Variants in INO80 observed in about 807,000 individuals in gnomAD.
The protein encoded by INO80 is INO80 complex ATPase subunit.
A neutral mutation model predicts 203.4 loss-of-function variants in INO80; 20 were observed. That is an observed-to-expected ratio of 0.10 (90% CI 0.07 to 0.14). The LOEUF is 0.14. Ranked by LOEUF, INO80 falls within the 10% of genes least tolerant of loss-of-function variation. The probability of loss-of-function intolerance (pLI) is 1.00; values close to 1 mark genes in which losing one functional copy is unlikely to be tolerated. For synonymous variants in INO80, 726 were observed against 685.2 expected, an observed-to-expected ratio of 1.06 and a Z score of -0.93; for missense variants, 1,419 against 1,914.4, an observed-to-expected ratio of 0.74 and a Z score of 4.83.
intron 9 of INO80, among the ~76,000 whole-genome samples, chr15:41,074,803 G>A (rs2045378516): frequency 6.6e-6 from 1 of 152,178 alleles, no homozygotes; most frequent in African/African-American, 2.4e-5. Context: ...GGAGTATAGT[G>A]GCACGATCTC....
At chr15:41,033,901 A>AC (rs2044529999) in intron 24 of INO80, among the ~76,000 whole-genome samples, 1 of 151,904 alleles carries the variant, frequency 6.6e-6, no homozygotes, top group African/African-American at 2.4e-5. Context: ...TAAAAAAAAA[A>AC]ATACAAAAAA....
In INO80 at chr15:41,049,269, A is replaced by G. The variant is rs949358604; in HGVS notation, c.2576+18T>C. On this transcript the variant is annotated intron_variant, in intron 21 of 35. Coordinates refer to ENST00000648947, the MANE Select transcript of INO80 (RefSeq NM_017553.3). ...ATTATAAAACACTAATAGTGAACAGATAGTAATACTTCCCTACCTGTCTCG... is the reference window on the plus strand; with the variant it reads ...ATTATAAAACACTAATAGTGAACAGGTAGTAATACTTCCCTACCTGTCTCG... The G allele has an allele frequency of 6.2e-7, 1 of 1,601,404 alleles. No individual in the cohort carries two copies. The highest frequency in any genetic ancestry group is 1.7e-4 in the Middle Eastern group (1 of 6,012).
rs1218006577 is a variant in INO80 at position 40,983,068 on chromosome 15, A to G, written c.4247T>C (p.Ile1416Thr). 6.2e-7 allele frequency: 1 copy of G among 1,613,004 alleles called. No individual in the cohort carries two copies. Among genetic ancestry groups the G allele is most frequent in the Non-Finnish European group, 8.5e-7 (1 of 1,179,334 alleles). ...ACGTCCTGCAGCTGGCATTTCCTGA[A>G]TGGAAATTCCTGTGGGAACAAATGG... The part of the protein sequence containing the change: ...SVSDTVNGIS[I>T]QEMPAAGRGH... Residue 1416 changes from isoleucine to threonine, a missense_variant, in exon 35 of 36, where the codon ATT becomes ACT. Ile to Thr is a moderately conservative substitution (Grantham distance 89). This residue lies in a region of INO80 where 214 missense variants were observed against 248.9 expected (regional missense o/e 0.86). Transcript: ENST00000648947.
At chr15:41,073,101 A>G (rs2045350403) in intron 11 of INO80, among the ~76,000 whole-genome samples, 1 of 152,112 alleles carries the variant, frequency 6.6e-6, no homozygotes, top group South Asian at 2.1e-4. Flanking sequence ...TTCATTAAAC[A>G]TCTATGATAC....
intron 18 of INO80, among the ~76,000 whole-genome samples, chr15:41,054,739 A>C (rs2044951849): frequency 6.6e-6 from 1 of 152,128 alleles, no homozygotes; most frequent in South Asian, 2.1e-4. Flanking sequence ...CCTGGGTTCA[A>C]GCGATTCACC....
chr15:41,089,230 G>C (rs1566944824), intron 5 of INO80, among the ~76,000 whole-genome samples: 1 of 151,944 alleles, frequency 6.6e-6, no homozygotes, highest in Non-Finnish European at 1.5e-5. Context: ...TAAAAAACAA[G>C]CAAATACTTG....
At chr15:40,989,016 A>C (rs1192881138) in intron 29 of INO80, among the ~76,000 whole-genome samples, 3 of 218 alleles carry the variant, frequency 0.014, no homozygotes, top group South Asian at 0.14. Flanking sequence ...CTCCGTCTCA[A>C]AAAAAAAAAA....
rs749723573 is a variant in INO80 at position 40,980,450 on chromosome 15, C to T, written c.4454-10G>A. ...CTGCTGGCGGAGATTCCTGTGGGGA[C>T]GGAGAGAGACAAGAACGTAAGCACC... On this transcript the variant is annotated splice_polypyrimidine_tract_variant and intron_variant, in intron 35 of 35. Coordinates refer to ENST00000648947, the MANE Select transcript of INO80 (RefSeq NM_017553.3). 18 of 1,605,876 alleles carry T rather than the reference C, an allele frequency of 1.1e-5. No individual in the cohort carries two copies. Among genetic ancestry groups the T allele is most frequent in the East Asian group, 8.9e-5 (4 of 44,860 alleles).
intron 29 of INO80, among the ~76,000 whole-genome samples, chr15:40,996,315 G>A (rs1041942864): frequency 2.0e-5 from 3 of 152,072 alleles, no homozygotes; most frequent in Non-Finnish European, 4.4e-5. Flanking sequence ...ATAATTTTGA[G>A]ATTCAAAAAG....
chr15:41,061,912 A>G (rs1237058486), intron 14 of INO80, among the ~76,000 whole-genome samples: 1 of 152,212 alleles, frequency 6.6e-6, no homozygotes, highest in Non-Finnish European at 1.5e-5. Flanking sequence ...TGCAAGATTC[A>G]GCACTTTTTC....
intron 9 of INO80, among the ~76,000 whole-genome samples, chr15:41,075,349 G>A (rs951418935): frequency 6.6e-6 from 1 of 150,922 alleles, no homozygotes; most frequent in Admixed American, 6.6e-5. Flanking sequence ...GAGCCTCACC[G>A]TAACCTCTGC....
At chr15:41,070,214 C>A (rs1165606762) in intron 13 of INO80, among the ~76,000 whole-genome samples, 3 of 152,176 alleles carry the variant, frequency 2.0e-5, no homozygotes, top group Non-Finnish European at 4.4e-5. Context: ...ATGGCCCTTG[C>A]CACTACACTG....
Position 41,092,158 on chromosome 15 carries a change from T to C in INO80, c.406A>G (p.Ser136Gly), listed in dbSNP as rs1409883725. 2 of 1,607,674 alleles carry C rather than the reference T, an allele frequency of 1.2e-6. No individual in the cohort carries two copies. The highest frequency in any genetic ancestry group is 1.7e-5 in the Admixed American group (1 of 59,950). Residue 136 changes from serine to glycine, a missense_variant, in exon 5 of 36, where the codon AGC becomes GGC. Transcript: ENST00000648947. ...TCTTCACTCTGAGAATCAGCCTCGC[T>C]GGATTCATCACTTAGCAGAATGCTC... Reference protein sequence around the residue: ...LKSILLSDESSEADSQSEDDD... With the variant: ...LKSILLSDESGEADSQSEDDD...
chr15:41,085,729 T>A, intron 6 of INO80, 146 bp from the exon 7 acceptor site: 1 of 631,746 alleles, frequency 1.6e-6, no homozygotes, highest in African/African-American at 1.8e-5. Flanking sequence ...CCCATGAATA[T>A]TCCTTGAGGA....
In INO80 at chr15:41,106,383, CA is replaced by C. The variant is rs369784846; in HGVS notation, c.-44+9589del. Among the ~76,000 whole-genome samples, 520 of 83,908 alleles carry C rather than the reference CA, an allele frequency of 6.2e-3. 2 individuals carry two copies. Among genetic ancestry groups the C allele is most frequent in the African/African-American group, 0.019 (359 of 19,200 alleles). 55.0% of individuals were successfully genotyped at this position (83,908 alleles called of 152,430 possible). ...TGGGTGACAGGGCCAGACCCTGTCT[CA>C]AAAAAAAAAAAAAAAAAGAGAAAGA... On this transcript the variant is annotated intron_variant, in intron 1 of 35. Coordinates refer to ENST00000648947, the MANE Select transcript of INO80 (RefSeq NM_017553.3).
chr15:41,079,471 T>G (rs187021972), intron 9 of INO80, among the ~76,000 whole-genome samples: 2 of 150,874 alleles, frequency 1.3e-5, no homozygotes, highest in Admixed American at 1.3e-4. Context: ...CAAAATTAAG[T>G]CTTTAAAAAA....
intron 27 of INO80, among the ~76,000 whole-genome samples, chr15:41,009,513 G>A (rs2044102507): frequency 6.6e-6 from 1 of 151,536 alleles, no homozygotes; most frequent in African/African-American, 2.4e-5. Context: ...ATAGTTTACT[G>A]AGAATGATGA....
intron 1 of INO80, among the ~76,000 whole-genome samples, chr15:41,112,786 CAAAAA>C (rs893121991): frequency 4.7e-4 from 9 of 19,200 alleles, no homozygotes; most frequent in Admixed American, 1.4e-3. Context: ...GACTCCATCT[CAAAAA>C]AAAAAAAAAA....
Position 41,074,484 on chromosome 15 carries a change from T to C in INO80, c.1213A>G (p.Met405Val), listed in dbSNP as rs955603395. 2 of 1,614,012 alleles carry C rather than the reference T, an allele frequency of 1.2e-6. No homozygotes were observed. The highest frequency in any genetic ancestry group is 1.1e-5 in the South Asian group (1 of 91,070). The change falls in exon 10 of 36, where the codon ATG becomes GTG. Residue 405 changes from methionine (M) to valine (V), a missense_variant. Coordinates refer to ENST00000648947, the MANE Select transcript of INO80 (RefSeq NM_017553.3). ...YAHFMSRKRD[M>V]GHDGIQEEIL... ...TCTTCCTGGATACCATCATGACCCA[T>C]ATCTCGTTTGCGACTCATGAAATGG...
Sources: allele counts gnomAD v4.1 joint callset (sites outside exome capture counted in the v4.1 genomes callset), GRCh38; gene constraint gnomAD v4.1.1; regional missense constraint gnomAD v4.1.1; transcripts MANE v1.5; gene names NCBI Gene and HGNC (gene_info 2026-07-23, HGNC 2026-07-21).